The following LRMDA variants were observed in gnomAD, a reference collection of about 807,000 sequenced individuals.
LRMDA encodes leucine rich melanocyte differentiation associated.
LRMDA carries 18 observed loss-of-function variants against 29.8 expected under a neutral mutation model. The observed-to-expected ratio is 0.60, with a 90% confidence interval of 0.42 to 0.90. The LOEUF (loss-of-function observed/expected upper bound fraction) is 0.90. Ranked by LOEUF, LRMDA falls within the 40% of genes least tolerant of loss-of-function variation. LRMDA has a pLI of 0.00. For synonymous variants in LRMDA, 125 were observed against 109.4 expected (o/e 1.14, Z -0.89); for missense variants, 273 against 273.9 (o/e 1.00, Z 0.02).
intron 6 of LRMDA, among the ~76,000 whole-genome samples, chr10:76,328,108 C>G (rs1840859854): frequency 6.6e-6 from 1 of 152,164 alleles, no homozygotes; most frequent in African/African-American, 2.4e-5. Context: ...TGGGTTGGAG[C>G]ATATCTTTGG....
chr10:75,904,220 A>T (rs1343182017), intron 2 of LRMDA, among the ~76,000 whole-genome samples: 2 of 152,250 alleles, frequency 1.3e-5, no homozygotes, highest in Non-Finnish European at 2.9e-5. Flanking sequence ...ATTTACAAAT[A>T]GCTTACTTTG....
At chr10:76,327,423 A>G (rs1349377596) in intron 6 of LRMDA, among the ~76,000 whole-genome samples, 1 of 152,104 alleles carries the variant, frequency 6.6e-6, no homozygotes. Flanking sequence ...GACACTGCCC[A>G]TTCTTCAGGT....
chr10:76,370,065 A>G (rs79407771), intron 6 of LRMDA, among the ~76,000 whole-genome samples: 16,400 of 152,164 alleles, frequency 0.11, 1,009 homozygotes, highest in East Asian at 0.3. Context: ...ATAAAAAACC[A>G]TGATGTTAAA....
At chr10:76,165,596 C>T (rs183820379) in intron 5 of LRMDA, among the ~76,000 whole-genome samples, 2 of 152,340 alleles carry the variant, frequency 1.3e-5, no homozygotes, top group East Asian at 3.9e-4. Context: ...AATTGACTCA[C>T]AGTTCCTCAT....
chr10:75,435,532 T>A (rs1844254342), intron 1 of LRMDA, among the ~76,000 whole-genome samples: 1 of 152,388 alleles, frequency 6.6e-6, no homozygotes, highest in African/African-American at 2.4e-5. Flanking sequence ...TATCTAAGCA[T>A]GCAGATTACT....
intron 5 of LRMDA, among the ~76,000 whole-genome samples, chr10:76,087,282 G>T (rs1281277932): frequency 6.6e-6 from 1 of 152,204 alleles, no homozygotes; most frequent in African/African-American, 2.4e-5. Flanking sequence ...CCTAGGAATT[G>T]TAGGGCCAAG....
At chr10:75,957,298 TG>T in intron 2 of LRMDA, among the ~76,000 whole-genome samples, 1 of 152,226 alleles carries the variant, frequency 6.6e-6, no homozygotes, top group Non-Finnish European at 1.5e-5. Flanking sequence ...AACCCAGGAC[TG>T]GGGAGATGAA....
chr10:75,535,949 C>T (rs1324603780), intron 2 of LRMDA, among the ~76,000 whole-genome samples: 1 of 152,194 alleles, frequency 6.6e-6, no homozygotes, highest in Non-Finnish European at 1.5e-5. Flanking sequence ...TTGAGCAAGA[C>T]TCTGAATTAT....
intron 5 of LRMDA, among the ~76,000 whole-genome samples, chr10:76,177,004 T>TGG (rs1429484858): frequency 2.6e-5 from 4 of 152,310 alleles, no homozygotes; most frequent in African/African-American, 9.6e-5. Flanking sequence ...AATAGAGTCT[T>TGG]CCAGAGCACA....
chr10:75,849,344 G>A (rs1289850567), intron 2 of LRMDA, among the ~76,000 whole-genome samples: 1 of 151,234 alleles, frequency 6.6e-6, no homozygotes, highest in Non-Finnish European at 1.5e-5. Flanking sequence ...GTAGTTCTAT[G>A]GAATCCACCC....
intron 5 of LRMDA, among the ~76,000 whole-genome samples, chr10:76,179,453 T>G (rs989232939): frequency 2.0e-5 from 3 of 152,154 alleles, no homozygotes; most frequent in African/African-American, 7.2e-5. Flanking sequence ...TGGCATACTT[T>G]GTTCAGCTCT....
chr10:76,011,703 A>AT (rs1020729277), intron 2 of LRMDA, among the ~76,000 whole-genome samples: 24 of 152,266 alleles, frequency 1.6e-4, no homozygotes, highest in African/African-American at 5.5e-4. Context: ...TGTGATTGAG[A>AT]TTTTAACACC....
chr10:75,564,551 C>A (rs1258941250), intron 2 of LRMDA, among the ~76,000 whole-genome samples: 1 of 152,246 alleles, frequency 6.6e-6, no homozygotes, highest in African/African-American at 2.4e-5. Flanking sequence ...TGTCCTGCAC[C>A]CACTGTCTGG....
At chr10:76,225,347 G>T (rs1238647858) in intron 5 of LRMDA, among the ~76,000 whole-genome samples, 1 of 151,890 alleles carries the variant, frequency 6.6e-6, no homozygotes, top group Non-Finnish European at 1.5e-5. Context: ...GGAGACGGAG[G>T]TTTCAGTGAG....
In LRMDA at chr10:75,735,806, C is replaced by T. The variant is rs765898439; in HGVS notation, c.131+297312C>T. Among the ~76,000 whole-genome samples the T allele has an allele frequency of 2.6e-5, 4 of 152,298 alleles. No homozygotes were observed. In the East Asian group the frequency reaches 5.8e-4, roughly 22 times the overall value. ...TCAGCAAGATATTCACGAGTCCACC[C>T]GAGTCGCCTCAGAAGCAGCATATCC... is the stretch of plus-strand genomic sequence containing the variant. On this transcript the variant is annotated intron_variant, in intron 2 of 6. Coordinates refer to ENST00000611255, the MANE Select transcript of LRMDA (RefSeq NM_001305581.2).
At chr10:76,107,420 TCTC>T (rs922644439) in intron 5 of LRMDA, among the ~76,000 whole-genome samples, 1 of 152,200 alleles carries the variant, frequency 6.6e-6, no homozygotes, top group Non-Finnish European at 1.5e-5. Flanking sequence ...TCTTGTGTTC[TCTC>T]CTACTTAGTC....
At chr10:75,857,473 T>C (rs1175476347) in intron 2 of LRMDA, among the ~76,000 whole-genome samples, 1 of 152,176 alleles carries the variant, frequency 6.6e-6, no homozygotes. Context: ...TGCAAAAAGA[T>C]ATCCCCAGAA....
intron 5 of LRMDA, among the ~76,000 whole-genome samples, chr10:76,063,405 G>A (rs1267964638): frequency 1.3e-5 from 2 of 152,166 alleles, no homozygotes; most frequent in Non-Finnish European, 2.9e-5. Flanking sequence ...TGGGAGGTAT[G>A]TGTACACCAG....
chr10:76,253,696 A>T (rs187548234), intron 5 of LRMDA, among the ~76,000 whole-genome samples: 2 of 152,320 alleles, frequency 1.3e-5, no homozygotes, highest in East Asian at 1.9e-4. Context: ...CCTTTAAAAA[A>T]TCAACAAAAA....
Sources: gnomAD v4.1 joint callset for allele counts (sites outside exome capture counted in the v4.1 genomes callset) on GRCh38, gnomAD v4.1.1 for gene constraint, MANE v1.5 for transcripts, NCBI Gene and HGNC (gene_info 2026-07-23, HGNC 2026-07-21) for gene names.